The following CPNE4 variants were observed in gnomAD, a reference collection of about 807,000 sequenced individuals.
CPNE4 encodes copine-4.
CPNE4 carries 25 observed loss-of-function variants against 67.9 expected under a neutral mutation model. The ratio of observed to expected loss-of-function variants is 0.37; its 90% CI spans 0.27 to 0.51. The LOEUF (loss-of-function observed/expected upper bound fraction) is 0.51. CPNE4 is among the 20% of genes least tolerant of loss of function. The probability of loss-of-function intolerance (pLI) is 0.93; values close to 1 mark genes in which losing one functional copy is unlikely to be tolerated. For missense variants in CPNE4, 464 were observed against 690.8 expected, an observed-to-expected ratio of 0.67 and a Z score of 3.68; for synonymous variants, 242 against 244.9, an observed-to-expected ratio of 0.99 and a Z score of 0.11.
At chr3:131,893,453 T>C (rs1162089016) in intron 2 of CPNE4, among the ~76,000 whole-genome samples, 1 of 151,998 alleles carries the variant, frequency 6.6e-6, no homozygotes, top group Non-Finnish European at 1.5e-5. Context: ...ATCAGACTTC[T>C]ACTGCACAAT....
intron 2 of CPNE4, among the ~76,000 whole-genome samples, chr3:131,786,438 C>T (rs1231416417): frequency 6.6e-6 from 1 of 152,158 alleles, no homozygotes; most frequent in African/African-American, 2.4e-5. Flanking sequence ...CTGATATTGA[C>T]AACTGACATT....
intron 2 of CPNE4, among the ~76,000 whole-genome samples, chr3:131,806,511 C>T (rs934768681): frequency 2.1e-5 from 3 of 143,208 alleles, no homozygotes; most frequent in Non-Finnish European, 3.0e-5. Context: ...GATTGTGCCA[C>T]TGCACTCCAG....
chr3:132,037,258 GAAAC>G (rs1222181058), upstream of CPNE4, among the ~76,000 whole-genome samples: 3 of 150,172 alleles, frequency 2.0e-5, no homozygotes, highest in African/African-American at 7.4e-5. Context: ...TCCGTAATTA[GAAAC>G]AAACAGTTGC....
rs143668491 is a variant in CPNE4 at position 131,929,892 on chromosome 3, C to T, written c.-1-24448G>A. Among the ~76,000 whole-genome samples the T allele has an allele frequency of 2.5e-3, 379 of 152,268 alleles. 2 individuals carry two copies. The highest frequency in any genetic ancestry group is 8.6e-3 in the African/African-American group (357 of 41,564). On this transcript the variant is annotated intron_variant, in intron 1 of 15. Coordinates refer to ENST00000429747, the MANE Select transcript of CPNE4 (RefSeq NM_130808.3). Reference sequence around the variant, plus strand: ...GATTCTGGGAGCAGAGAACACTTTTCATAGGAAGTACTATTCTATTGTGTA... The same window carrying T: ...GATTCTGGGAGCAGAGAACACTTTTTATAGGAAGTACTATTCTATTGTGTA...
intron 10 of CPNE4, among the ~76,000 whole-genome samples, chr3:131,569,433 G>C (rs1295805603): frequency 6.6e-6 from 1 of 151,864 alleles, no homozygotes; most frequent in Non-Finnish European, 1.5e-5. Context: ...CCAGGAGTTT[G>C]AGACCAGCTT....
At chr3:132,018,402 A>G (rs1451859071) in intron 1 of CPNE4, among the ~76,000 whole-genome samples, 1 of 152,228 alleles carries the variant, frequency 6.6e-6, no homozygotes, top group East Asian at 1.9e-4. Context: ...AGGAGAAGCA[A>G]AGCAAGTTGT....
chr3:131,890,538 G>T (rs1340032719), intron 2 of CPNE4, among the ~76,000 whole-genome samples: 2 of 151,888 alleles, frequency 1.3e-5, no homozygotes, highest in Admixed American at 1.3e-4. Flanking sequence ...CAGTATGGCG[G>T]TTCCTCAAAA....
intron 3 of CPNE4, among the ~76,000 whole-genome samples, chr3:131,717,214 T>C (rs1251347221): frequency 6.7e-6 from 1 of 149,674 alleles, no homozygotes; most frequent in African/African-American, 2.5e-5. Flanking sequence ...GGCATATTAC[T>C]CCATGTAAAA....
intron 2 of CPNE4, among the ~76,000 whole-genome samples, chr3:131,853,674 T>C (rs888204900): frequency 3.3e-5 from 5 of 152,004 alleles, no homozygotes; most frequent in African/African-American, 1.2e-4. Flanking sequence ...ATTCATAGCA[T>C]AGGAAGAACT....
chr3:131,791,761 C>G (rs1459765924), intron 2 of CPNE4, among the ~76,000 whole-genome samples: 2 of 152,100 alleles, frequency 1.3e-5, no homozygotes, highest in Non-Finnish European at 2.9e-5. Flanking sequence ...TTAGGTGAAT[C>G]AATTAACAGA....
chr3:132,013,662 T>C (rs1408847465), intron 1 of CPNE4, among the ~76,000 whole-genome samples: 1 of 152,230 alleles, frequency 6.6e-6, no homozygotes. Flanking sequence ...ATATAATAAT[T>C]GCTAACATTT....
At chr3:132,018,626 C>T (rs2073934332) in intron 1 of CPNE4, among the ~76,000 whole-genome samples, 1 of 152,158 alleles carries the variant, frequency 6.6e-6, no homozygotes, top group African/African-American at 2.4e-5. Context: ...ACCATTTAAA[C>T]TTGTAACACT....
At chr3:131,795,295 TA>T (rs2083890699) in intron 2 of CPNE4, among the ~76,000 whole-genome samples, 1 of 152,156 alleles carries the variant, frequency 6.6e-6, no homozygotes, top group Admixed American at 6.6e-5. Flanking sequence ...AGAAACATAT[TA>T]ATAAAAGCCT....
At chr3:131,901,815 G>C (rs1340685824) in intron 2 of CPNE4, among the ~76,000 whole-genome samples, 1 of 151,974 alleles carries the variant, frequency 6.6e-6, no homozygotes, top group African/African-American at 2.4e-5. Context: ...GGGGAAAGGA[G>C]AGAACCCTTA....
intron 3 of CPNE4, among the ~76,000 whole-genome samples, chr3:131,718,766 C>T (rs907318928): frequency 6.6e-6 from 1 of 152,214 alleles, no homozygotes; most frequent in Non-Finnish European, 1.5e-5. Flanking sequence ...GAGGCAGGGC[C>T]TCTGTCTTCC....
intron 3 of CPNE4, among the ~76,000 whole-genome samples, chr3:131,721,141 A>G (rs1005345900): frequency 2.0e-5 from 3 of 152,052 alleles, no homozygotes; most frequent in Non-Finnish European, 2.9e-5. Context: ...TTTTCATTCC[A>G]TCTTTATCCC....
chr3:131,719,510 C>T (rs569353338), intron 3 of CPNE4, among the ~76,000 whole-genome samples: 1 of 152,286 alleles, frequency 6.6e-6, no homozygotes, highest in Admixed American at 6.5e-5. Flanking sequence ...GAAAATTAAT[C>T]CAACACAACC....
intron 1 of CPNE4, among the ~76,000 whole-genome samples, chr3:131,978,580 TCTC>T (rs71136422): frequency 0.27 from 30,244 of 111,830 alleles, 4,725 homozygotes; most frequent in South Asian, 0.38. Context: ...CTTTATCCAC[TCTC>T]CTCTTTTCTT....
chr3:132,035,341 A>C (rs2074322546), upstream of CPNE4: 1 of 152,258 alleles, frequency 6.6e-6, no homozygotes, highest in Non-Finnish European at 1.5e-5. Flanking sequence ...TCACCAAAGA[A>C]AACTTCTTAG....
Sources: gnomAD v4.1 joint callset for allele counts (sites outside exome capture counted in the v4.1 genomes callset) on GRCh38, gnomAD v4.1.1 for gene constraint, MANE v1.5 for transcripts, NCBI Gene and HGNC (gene_info 2026-07-23, HGNC 2026-07-21) for gene names.